The following PTPRG variants were observed in gnomAD, a reference collection of about 807,000 sequenced individuals.
PTPRG encodes receptor-type tyrosine-protein phosphatase gamma.
PTPRG carries 102 observed loss-of-function variants against 165.3 expected under a neutral mutation model. The observed-to-expected ratio is 0.62, with a 90% CI of 0.53 to 0.73. The LOEUF (loss-of-function observed/expected upper bound fraction) is 0.73. PTPRG is among the 30% of genes least tolerant of loss of function. PTPRG has a pLI of 0.00. For synonymous variants in PTPRG, 675 were observed against 669.5 expected (o/e 1.01, Z -0.13); for missense variants, 1,866 against 1,861.4 (o/e 1.00, Z -0.05).
chr3:62,185,876 C>T (rs62243867), intron 8 of PTPRG, among the ~76,000 whole-genome samples: 1 of 152,140 alleles, frequency 6.6e-6, no homozygotes, highest in South Asian at 2.1e-4. Flanking sequence ...TTTACAGATG[C>T]GGACACAGGA....
In PTPRG at chr3:62,264,718, C is replaced by T. The variant is rs541954410; in HGVS notation, c.2656+1824C>T. Reference sequence around the variant, plus strand: ...CATTTGATGGACATTGTTTCTTTTCCGCTTCTCAGCTAGTATGAATACCGC... The same window carrying T: ...CATTTGATGGACATTGTTTCTTTTCTGCTTCTCAGCTAGTATGAATACCGC... On this transcript the variant is annotated intron_variant, in intron 17 of 29. Transcript: ENST00000474889. Among the ~76,000 whole-genome samples, 65 of 152,114 alleles carry T rather than the reference C, an allele frequency of 4.3e-4. 1 individual carries two copies. The highest frequency in any genetic ancestry group is 1.1e-3 in the African/African-American group (47 of 41,518).
In PTPRG at chr3:61,748,908, A is replaced by G. The variant is rs779771989; in HGVS notation, c.116A>G (p.His39Arg). The change falls in exon 2 of 30, where the codon CAC becomes CGC. Residue 39 changes from histidine to arginine, a missense_variant. His to Arg is a conservative substitution (Grantham distance 29). This residue lies in a region of PTPRG where 408 missense variants were observed against 376.2 expected (regional missense o/e 1.08). Coordinates refer to ENST00000474889, the MANE Select transcript of PTPRG (RefSeq NM_002841.4). ...ALTEGYVGAL[H>R]ENRHGSAVQI... Reference sequence around the variant, plus strand: ...ACAGAAGGCTACGTTGGGGCCCTGCACGAGAATAGACACGGCAGCGCAGTG... The same window carrying G: ...ACAGAAGGCTACGTTGGGGCCCTGCGCGAGAATAGACACGGCAGCGCAGTG... The G allele has an allele frequency of 1.2e-6, 2 of 1,613,662 alleles. No homozygotes were observed. Among genetic ancestry groups the G allele is most frequent in the Admixed American group, 3.3e-5 (2 of 59,974 alleles).
intron 2 of PTPRG, among the ~76,000 whole-genome samples, chr3:61,898,378 A>C (rs2886675): frequency 6.6e-6 from 1 of 152,028 alleles, no homozygotes; most frequent in Non-Finnish European, 1.5e-5. Flanking sequence ...TAAACATTGC[A>C]CAGAGGTGCT....
intron 2 of PTPRG, among the ~76,000 whole-genome samples, chr3:61,862,800 T>C (rs1194764926): frequency 6.6e-6 from 1 of 151,930 alleles, no homozygotes; most frequent in Non-Finnish European, 1.5e-5. Flanking sequence ...GAGTTCTCTC[T>C]TGTTTTCTTA....
intron 2 of PTPRG, among the ~76,000 whole-genome samples, chr3:61,931,188 C>T (rs1402436008): frequency 6.6e-6 from 1 of 152,194 alleles, no homozygotes; most frequent in Non-Finnish European, 1.5e-5. Context: ...CACTGCTGGG[C>T]CACTTTGCTC....
chr3:62,130,933 C>A (rs1300364019), intron 5 of PTPRG, among the ~76,000 whole-genome samples: 1 of 141,342 alleles, frequency 7.1e-6, no homozygotes, highest in Non-Finnish European at 1.5e-5. Context: ...GGTTCCTATT[C>A]ACTGATTTTT....
At chr3:61,839,511 A>G (rs962308318) in intron 2 of PTPRG, among the ~76,000 whole-genome samples, 1 of 152,226 alleles carries the variant, frequency 6.6e-6, no homozygotes, top group Non-Finnish European at 1.5e-5. Flanking sequence ...GACCAGCTCC[A>G]AGAGCCACAG....
chr3:61,975,299 C>T (rs1038700153), intron 2 of PTPRG, among the ~76,000 whole-genome samples: 2 of 152,140 alleles, frequency 1.3e-5, no homozygotes, highest in African/African-American at 4.8e-5. Context: ...AAGTTTATGG[C>T]CTACAGTGAA....
intron 5 of PTPRG, among the ~76,000 whole-genome samples, chr3:62,107,230 GC>G (rs1348298187): frequency 1.3e-5 from 2 of 152,178 alleles, no homozygotes; most frequent in African/African-American, 4.8e-5. Context: ...CATCATGGGA[GC>G]CAACTGTTCC....
intron 4 of PTPRG, among the ~76,000 whole-genome samples, chr3:62,064,375 T>C (rs1700929641): frequency 1.3e-5 from 2 of 152,146 alleles, no homozygotes; most frequent in African/African-American, 4.8e-5. Flanking sequence ...TCACAGTGTA[T>C]TTATTTTGCA....
intron 18 of PTPRG, 35 bp from the exon 19 acceptor site, chr3:62,267,650 G>T (rs1701924834): frequency 1.3e-6 from 2 of 1,599,500 alleles, no homozygotes; most frequent in Non-Finnish European, 1.7e-6. Context: ...TGTGATAACT[G>T]CTTTCATCTC....
At chr3:61,913,431 G>C (rs2038852854) in intron 2 of PTPRG, among the ~76,000 whole-genome samples, 1 of 152,128 alleles carries the variant, frequency 6.6e-6, no homozygotes, top group South Asian at 2.1e-4. Context: ...GTGCTAGCCA[G>C]GATGGTTTCA....
intron 3 of PTPRG, among the ~76,000 whole-genome samples, chr3:61,991,075 G>T (rs915991342): frequency 2.2e-4 from 34 of 152,138 alleles, no homozygotes; most frequent in African/African-American, 8.2e-4. Context: ...CTGGCTTTGG[G>T]CCTTTTTTAT....
chr3:62,222,238 A>C lies in PTPRG; in HGVS notation c.2288+3255A>C, dbSNP rs568146248. ...AAAAGTTTGATTCATGGAATTGAGA[A>C]GTTCAGGAGCATTGGGCCTGGCTGA... On this transcript the variant is annotated intron_variant, in intron 13 of 29. Transcript: ENST00000474889. This position sits in a 1 kb window ranked among gnomAD's most constrained non-coding sequence, Gnocchi z 4.5. Among the ~76,000 whole-genome samples the C allele has an allele frequency of 6.6e-6, 1 of 152,198 alleles. No homozygotes were observed. The highest frequency in any genetic ancestry group is 1.5e-5 in the Non-Finnish European group (1 of 68,042).
intron 1 of PTPRG, among the ~76,000 whole-genome samples, chr3:61,672,571 C>G (rs1286275119): frequency 3.1e-5 from 3 of 95,938 alleles, no homozygotes; most frequent in Non-Finnish European, 4.4e-5. Context: ...AATAAGAAAA[C>G]CAGTCAGGCA....
intron 5 of PTPRG, among the ~76,000 whole-genome samples, chr3:62,117,923 A>T (rs1364259879): frequency 2.6e-5 from 4 of 152,206 alleles, no homozygotes; most frequent in Non-Finnish European, 5.9e-5. Context: ...AGGTGGATGG[A>T]TGAAGTTTAG....
intron 8 of PTPRG, among the ~76,000 whole-genome samples, chr3:62,174,756 T>C (rs1457152982): frequency 6.6e-6 from 1 of 152,250 alleles, no homozygotes; most frequent in South Asian, 2.1e-4. Flanking sequence ...ATTAATGAGC[T>C]TGAATTACTT....
intron 1 of PTPRG, among the ~76,000 whole-genome samples, chr3:61,634,630 C>A (rs191496064): frequency 2.0e-5 from 3 of 151,760 alleles, no homozygotes; most frequent in Non-Finnish European, 4.4e-5. Context: ...GGCTACAGTT[C>A]TTTTTAAAGC....
intron 2 of PTPRG, among the ~76,000 whole-genome samples, chr3:61,916,286 CTATT>C (rs1286078614): frequency 1.3e-5 from 2 of 152,100 alleles, no homozygotes; most frequent in Non-Finnish European, 2.9e-5. Context: ...TAGAGCTACA[CTATT>C]TAATGAAAAT....
Sources: gnomAD v4.1 joint callset for allele counts (sites outside exome capture counted in the v4.1 genomes callset) on GRCh38, gnomAD v4.1.1 for gene constraint, gnomAD v4.1.1 regional missense constraint, Gnocchi (gnomAD v3.1) non-coding constraint, MANE v1.5 for transcripts, NCBI Gene and HGNC (gene_info 2026-07-23, HGNC 2026-07-21) for gene names.